EML6: variants seen among roughly 807,000 people sequenced by gnomAD.
The protein encoded by EML6 is EMAP like 6.
A neutral mutation model predicts 240.1 loss-of-function variants in EML6; 154 were observed. The observed-to-expected ratio is 0.64, with a 90% CI of 0.56 to 0.73. The LOEUF is 0.73. EML6 is among the 30% of genes least tolerant of loss of function. The probability of loss-of-function intolerance (pLI) is 0.00; values close to 1 mark genes in which losing one functional copy is unlikely to be tolerated. For synonymous variants in EML6, 1,148 were observed against 899.0 expected (o/e 1.28, Z -4.95); for missense variants, 2,964 against 2,474.6 (o/e 1.20, Z -4.20).
At chr2:54,729,293 A>C (rs1302049557) in intron 2 of EML6, among the ~76,000 whole-genome samples, 1 of 152,204 alleles carries the variant, frequency 6.6e-6, no homozygotes, top group Non-Finnish European at 1.5e-5. Flanking sequence ...ATGAAGGGGC[A>C]CCTTGCACTT....
intron 2 of EML6, among the ~76,000 whole-genome samples, chr2:54,726,364 C>G (rs1156703015): frequency 6.6e-6 from 1 of 152,180 alleles, no homozygotes; most frequent in Non-Finnish European, 1.5e-5. Flanking sequence ...CATGTCCATG[C>G]TCCTAATTTC....
intron 26 of EML6, among the ~76,000 whole-genome samples, chr2:54,919,263 T>G (rs1674099028): frequency 7.4e-6 from 1 of 135,868 alleles, no homozygotes; most frequent in African/African-American, 2.8e-5. Context: ...CCAATCCTTT[T>G]CAAAAGTCTT....
At chr2:54,783,664 CT>C in intron 2 of EML6, among the ~76,000 whole-genome samples, 1 of 152,230 alleles carries the variant, frequency 6.6e-6, no homozygotes, top group South Asian at 2.1e-4. Flanking sequence ...ATTATATTCA[CT>C]GAAATGTTTT....
At chr2:54,747,236 C>T (rs79944449) in intron 2 of EML6, 7 of 152,320 alleles carry the variant, frequency 4.6e-5, no homozygotes, top group Non-Finnish European at 1.0e-4. Context: ...TAAAATGCTA[C>T]ACTTGTTTTT....
At chr2:54,877,772 A>G (rs1262400697) in intron 16 of EML6, among the ~76,000 whole-genome samples, 1 of 152,254 alleles carries the variant, frequency 6.6e-6, no homozygotes. Flanking sequence ...ATCTAATACT[A>G]CAGCCTAGTA....
chr2:54,935,510 A>G (rs952176535), intron 28 of EML6, among the ~76,000 whole-genome samples: 4 of 152,236 alleles, frequency 2.6e-5, no homozygotes, highest in African/African-American at 7.2e-5. Context: ...CAAAAATTCA[A>G]CCAAATCAAT....
At chr2:54,793,025 T>C (rs1019494914) in intron 2 of EML6, among the ~76,000 whole-genome samples, 12 of 152,318 alleles carry the variant, frequency 7.9e-5, no homozygotes, top group Admixed American at 7.2e-4. Context: ...CTCAGCACTT[T>C]AGGAGGCTGA....
chr2:54,808,945 T>C (rs1323837933), intron 2 of EML6, among the ~76,000 whole-genome samples: 2 of 152,194 alleles, frequency 1.3e-5, no homozygotes, highest in African/African-American at 4.8e-5. Flanking sequence ...GAAGATGGGA[T>C]TTCCCAACAG....
At chr2:54,932,740 C>G (rs1424827210) in intron 28 of EML6, among the ~76,000 whole-genome samples, 1 of 152,200 alleles carries the variant, frequency 6.6e-6, no homozygotes, top group Non-Finnish European at 1.5e-5. Flanking sequence ...ATCCTGTATT[C>G]AGACTTCGGT....
intron 32 of EML6, among the ~76,000 whole-genome samples, chr2:54,957,340 C>A (rs1442056632): frequency 8.9e-6 from 1 of 112,776 alleles, no homozygotes; most frequent in South Asian, 3.1e-4. Flanking sequence ...AAAGAAAATG[C>A]AGGAGAATCT....
At position 54,866,050 on chromosome 2, in the gene EML6, C is replaced by A. The variant is rs188710595; in HGVS notation, c.1933-716C>A. Among the ~76,000 whole-genome samples the A allele has an allele frequency of 4.6e-5, 7 of 152,232 alleles. No individual in the cohort carries two copies. In the East Asian group the frequency reaches 1.3e-3, roughly 29 times the overall value. On this transcript the variant is annotated intron_variant, in intron 13 of 41. Coordinates refer to ENST00000356458, the MANE Select transcript of EML6 (RefSeq NM_001039753.4). ...AGTAGACAAAACAGTAGTGAGAGTT[C>A]TTCTGACCTTTTACAAATGATTTTT...
intron 24 of EML6, among the ~76,000 whole-genome samples, chr2:54,908,379 T>C (rs944973186): frequency 1.3e-5 from 2 of 152,080 alleles, no homozygotes; most frequent in African/African-American, 4.8e-5. Flanking sequence ...CCGGCTAATT[T>C]TTTTTCTGTA....
chr2:54,827,733 C>T lies in EML6; in HGVS notation c.693C>T (p.Thr231=). The change falls in exon 6 of 42, where the codon ACC becomes ACT. Residue 231 remains threonine (T), a synonymous_variant. Transcript: ENST00000356458. ...YVWKGLNLVR[T]IQGAHSAGIF... ...GGAAAGGGCTCAATTTAGTCCGCAC[C>T]ATTCAAGGAGCACATAGTGTAAGTA... 1.3e-6 allele frequency: 2 copies of T among 1,551,420 alleles called. No homozygotes were observed. The highest frequency in any genetic ancestry group is 2.4e-5 in the East Asian group (1 of 40,906).
intron 7 of EML6, among the ~76,000 whole-genome samples, chr2:54,832,756 C>G (rs761575415): frequency 4.4e-4 from 67 of 151,898 alleles, no homozygotes; most frequent in Non-Finnish European, 6.3e-4. Context: ...CCCCGCCAAC[C>G]CCTCATCCCT....
intron 38 of EML6, among the ~76,000 whole-genome samples, chr2:54,966,473 G>GA (rs1676751996): frequency 6.6e-6 from 1 of 152,168 alleles, no homozygotes; most frequent in South Asian, 2.1e-4. Flanking sequence ...GTTTCCTTTA[G>GA]AAGACTCCCA....
intron 11 of EML6, among the ~76,000 whole-genome samples, chr2:54,856,098 G>T (rs73938635): frequency 3.9e-4 from 60 of 152,224 alleles, no homozygotes; most frequent in African/African-American, 1.4e-3. Flanking sequence ...TTAGACGTAA[G>T]TGTTCTGCAG....
intron 39 of EML6, chr2:54,967,380 C>T (rs959093572): frequency 2.6e-5 from 6 of 233,798 alleles, no homozygotes; most frequent in African/African-American, 6.8e-5. Context: ...AACCATCTCC[C>T]GTCTCTTGGC....
rs1319582189 is a variant in EML6 at position 54,850,180 on chromosome 2, A to C, written c.1406A>C (p.Asn469Thr). The change falls in exon 10 of 42, where the codon AAT (asparagine) becomes ACT (threonine). Residue 469 changes from asparagine (N) to threonine (T), a missense_variant. Transcript: ENST00000356458. ...WSLDSKYLQT[N>T]DGAGERLFYR... is the part of the protein sequence containing the mutation. ...TTGGATAGTAAATACTTACAAACTA[A>C]TGACGGTGCAGGAGAACGATTGTTC... 1 of 1,551,758 alleles carries C rather than the reference A, an allele frequency of 6.4e-7. No individual in the cohort carries two copies.
intron 16 of EML6, among the ~76,000 whole-genome samples, chr2:54,874,888 A>G (rs1181510171): frequency 6.6e-6 from 1 of 152,220 alleles, no homozygotes; most frequent in East Asian, 1.9e-4. Flanking sequence ...TGGCCTGGGT[A>G]AAAGTGAACA....
Sources: allele counts gnomAD v4.1 joint callset (sites outside exome capture counted in the v4.1 genomes callset), GRCh38; gene constraint gnomAD v4.1.1; transcripts MANE v1.5; gene names NCBI Gene and HGNC (gene_info 2026-07-23, HGNC 2026-07-21).